The following COL6A3 variants were observed in gnomAD, a reference collection of about 807,000 sequenced individuals.
COL6A3 encodes collagen type VI alpha 3 chain, also known as collagen alpha-3(VI) chain.
Under a neutral mutation model 274.1 loss-of-function variants are expected in COL6A3, and 137 were observed. The ratio of observed to expected loss-of-function variants is 0.50; its 90% CI spans 0.44 to 0.58. The LOEUF (loss-of-function observed/expected upper bound fraction) is 0.58, where lower values mean the gene tolerates loss of function less well. Ranked by LOEUF, COL6A3 falls within the 20% of genes least tolerant of loss-of-function variation. The pLI is 0.00. For missense variants in COL6A3, 3,950 were observed against 4,124.9 expected, an observed-to-expected ratio of 0.96 and a Z score of 1.16; for synonymous variants, 1,650 against 1,650.6, an observed-to-expected ratio of 1.00 and a Z score of 0.01.
In COL6A3 at chr2:237,371,468, T is replaced by C; in HGVS notation, c.4285+264A>G. 5 of 538,018 alleles carry C rather than the reference T, an allele frequency of 9.3e-6. No individual in the cohort carries two copies. Among genetic ancestry groups the C allele is most frequent in the South Asian group, 5.3e-5 (1 of 18,772 alleles). 33.3% of individuals were successfully genotyped at this position (538,018 alleles called of 1,614,324 possible). ...AAAAAATTAGCCGGGCGTGGTGGTA[T>C]GAACCTGTAGTCCTAGCTACTGAGG... On this transcript the variant is annotated intron_variant, in intron 9 of 43. Coordinates refer to ENST00000295550, the MANE Select transcript of COL6A3 (RefSeq NM_004369.4). This position sits in a 1 kb window ranked among gnomAD's most constrained non-coding sequence, Gnocchi z 4.3.
At chr2:237,357,202 G>T in intron 23 of COL6A3, 136 bp downstream of exon 23, 1 of 819,806 alleles carries the variant, frequency 1.2e-6, no homozygotes, top group Non-Finnish European at 2.2e-6. Flanking sequence ...ATAGATTGGA[G>T]TAACAACCGT....
intron 38 of COL6A3, 84 bp from the exon 39 acceptor site, chr2:237,339,201 A>G: frequency 1.1e-6 from 1 of 934,424 alleles, no homozygotes; most frequent in East Asian, 2.4e-5. Context: ...AGTTAAATGA[A>G]TCACATAACA....
At position 237,361,081 on chromosome 2, in the gene COL6A3, A is replaced by G. The variant is rs1559228235; in HGVS notation, c.6210+40T>C. ...CAATCCCAATGGGTAAGGATCAAGGAGGGGGTGAAATTTTAGGGACTAAAA... is the reference window on the plus strand; with the variant it reads ...CAATCCCAATGGGTAAGGATCAAGGGGGGGGTGAAATTTTAGGGACTAAAA... On this transcript the variant is annotated intron_variant, in intron 16 of 43. Coordinates refer to ENST00000295550, the MANE Select transcript of COL6A3 (RefSeq NM_004369.4). The surrounding 1 kb of genome is among the most constrained non-coding windows in gnomAD (Gnocchi z 5.1). 11 of 1,535,948 alleles carry G rather than the reference A, an allele frequency of 7.2e-6. No individual in the cohort carries two copies. Among genetic ancestry groups the G allele is most frequent in the Non-Finnish European group, 9.9e-6 (11 of 1,108,722 alleles).
intron 36 of COL6A3, chr2:237,343,882 T>C (rs931546957): frequency 3.9e-6 from 1 of 258,746 alleles, no homozygotes; most frequent in Non-Finnish European, 7.6e-6. Flanking sequence ...CAGCAGGATC[T>C]TCCTATCCAT....
chr2:237,338,968 T>C (rs1448775195), intron 39 of COL6A3, 47 bp downstream of exon 39: 2 of 1,497,968 alleles, frequency 1.3e-6, no homozygotes, highest in Non-Finnish European at 1.9e-6. Flanking sequence ...GACCTGTGCA[T>C]TCCCTGCAGC....
At position 237,350,133 on chromosome 2, in the gene COL6A3, C is replaced by T. The variant is rs371203688; in HGVS notation, c.6879+14G>A. On this transcript the variant is annotated intron_variant, in intron 28 of 43. Coordinates refer to ENST00000295550, the MANE Select transcript of COL6A3 (RefSeq NM_004369.4). ...GTCAGCGACAGCCTGACCCCAAGCG[C>T]GCTGTGACCTTACCGTCTCCCCACG... 9.3e-6 allele frequency: 15 copies of T among 1,613,716 alleles called. 1 individual carries two copies. The highest frequency in any genetic ancestry group is 1.6e-4 in the Middle Eastern group (1 of 6,084).
At chr2:237,396,876 G>C (rs770102635) in intron 1 of COL6A3, 29 bp from the exon 2 acceptor site, 10 of 1,528,668 alleles carry the variant, frequency 6.5e-6, no homozygotes, top group Admixed American at 3.4e-5. Flanking sequence ...CAAAGGGAAT[G>C]ATCAGTTTTT....
Position 237,374,053 on chromosome 2 carries a change from G to C in COL6A3, c.3679+359C>G, listed in dbSNP as rs1484268371. Among the ~76,000 whole-genome samples, 1 of 152,212 alleles carries C rather than the reference G, an allele frequency of 6.6e-6. No individual in the cohort carries two copies. Among genetic ancestry groups the C allele is most frequent in the Non-Finnish European group, 1.5e-5 (1 of 68,038 alleles). On this transcript the variant is annotated intron_variant, in intron 8 of 43. Coordinates refer to ENST00000295550, the MANE Select transcript of COL6A3 (RefSeq NM_004369.4). This position sits in a 1 kb window ranked among gnomAD's most constrained non-coding sequence, Gnocchi z 4.8. Reference sequence around the variant, plus strand: ...AGAAGGCTGCTGACCAAACCTACCAGGGGTCGCAGGACTGATACGCAACAG... The same window carrying C: ...AGAAGGCTGCTGACCAAACCTACCACGGGTCGCAGGACTGATACGCAACAG...
rs766954929 is a variant in COL6A3 at position 237,340,878 on chromosome 2, T to G, written c.8038A>C (p.Met2680Leu). Residue 2680 changes from methionine (M) to leucine (L), a missense_variant, in exon 38 of 44, where the codon ATG becomes CTG. Physicochemically the swap from Met to Leu is conservative, Grantham distance 15. Transcript: ENST00000295550. ...APSESVDNAS[M>L]PPVKVEFSLT... Reference sequence around the variant, plus strand: ...GAGAATTCCACCTTCACAGGTGGCATGCTGGCATTGTCCACGGACTCAGAG... The same window carrying G: ...GAGAATTCCACCTTCACAGGTGGCAGGCTGGCATTGTCCACGGACTCAGAG... 1.2e-6 allele frequency: 2 copies of G among 1,613,688 alleles called. No homozygotes were observed. Among genetic ancestry groups the G allele is most frequent in the African/African-American group, 1.3e-5 (1 of 74,930 alleles).
rs1017878715 is a variant in COL6A3, at chr2:237,361,097, G to T, written c.6210+24C>A. 2.5e-6 allele frequency: 4 copies of T among 1,608,566 alleles called. No individual in the cohort carries two copies. The African/African-American group carries it at 5.3e-5, about 22-fold the overall frequency. ...GGATCAAGGAGGGGGTGAAATTTTA[G>T]GGACTAAAACAATTTTTACTTACGG... On this transcript the variant is annotated intron_variant, in intron 16 of 43. Coordinates refer to ENST00000295550, the MANE Select transcript of COL6A3 (RefSeq NM_004369.4). The surrounding 1 kb of genome is among the most constrained non-coding windows in gnomAD (Gnocchi z 5.1).
At chr2:237,357,054 A>C in intron 23 of COL6A3, 1 of 515,564 alleles carries the variant, frequency 1.9e-6, no homozygotes, top group Non-Finnish European at 3.5e-6. Flanking sequence ...TTAAATATTT[A>C]GTTGGATCAA....
rs769208947 is a variant in COL6A3 at position 237,357,802 on chromosome 2, T to C, written c.6537+15A>G. ...CCTCAGTACAGGGAGAGTCTAGGAATGTGCAGCACCTTACCATGGGGCCGA... is the reference window on the plus strand; with the variant it reads ...CCTCAGTACAGGGAGAGTCTAGGAACGTGCAGCACCTTACCATGGGGCCGA... On this transcript the variant is annotated intron_variant, in intron 22 of 43. Transcript: ENST00000295550. The C allele has an allele frequency of 1.2e-5, 19 of 1,613,544 alleles. No homozygotes were observed. The highest frequency in any genetic ancestry group is 3.3e-5 in the South Asian group (3 of 91,066).
chr2:237,376,418 T>C (rs922647671), intron 7 of COL6A3, among the ~76,000 whole-genome samples: 3 of 152,252 alleles, frequency 2.0e-5, no homozygotes, highest in Non-Finnish European at 1.5e-5. Context: ...AAGGCTGTTT[T>C]AGGTACAATG....
rs774987162 is a variant in COL6A3, at chr2:237,348,647, T to C, written c.6896A>G (p.Asp2299Gly). The change falls in exon 29 of 44, where the codon GAC becomes GGC. Residue 2299 changes from aspartate to glycine, a missense_variant. By Grantham distance (94) the Asp-to-Gly change is moderately conservative. Around this residue, in one of 5 missense-constraint regions of COL6A3, gnomAD observed 1,284 missense variants for 1,349.7 expected, o/e 0.95. Coordinates refer to ENST00000295550, the MANE Select transcript of COL6A3 (RefSeq NM_004369.4). The stretch of plus-strand genomic sequence containing the variant: ...TCTGCGTCCTTCACTGCCAACTCCG[T>C]CTCTCCCGTCATCTCCCTAAGAGTG... ...PRGETGDDGR[D>G]GVGSEGRRGK... 6.2e-7 allele frequency: 1 copy of C among 1,614,182 alleles called. No homozygotes were observed. The highest frequency in any genetic ancestry group is 8.5e-7 in the Non-Finnish European group (1 of 1,180,038).
At position 237,407,327 on chromosome 2, in the gene COL6A3, A is replaced by G. The variant is rs1334902998; in HGVS notation, c.-31+6626T>C. Among the ~76,000 whole-genome samples, 2 of 152,044 alleles carry G rather than the reference A, an allele frequency of 1.3e-5. No homozygotes were observed. The highest frequency in any genetic ancestry group is 2.9e-5 in the Non-Finnish European group (2 of 67,994). On this transcript the variant is annotated intron_variant, in intron 1 of 43. Transcript: ENST00000295550. This position sits in a 1 kb window ranked among gnomAD's most constrained non-coding sequence, Gnocchi z 4.3. Reference sequence around the variant, plus strand: ...TCTTCTCATCAGGCAGGGTAACTAGACCTCCTTTGTCACCTACTGGGGTCC... The same window carrying G: ...TCTTCTCATCAGGCAGGGTAACTAGGCCTCCTTTGTCACCTACTGGGGTCC...
chr2:237,349,098 C>A (rs188896287), intron 28 of COL6A3, among the ~76,000 whole-genome samples: 202 of 152,060 alleles, frequency 1.3e-3, no homozygotes, highest in African/African-American at 4.7e-3. Flanking sequence ...ATTCCCCCTC[C>A]CCATATCCCT....
In COL6A3 at chr2:237,396,761, G is replaced by A. The variant is rs1486896089; in HGVS notation, c.57C>T (p.Gly19=). The change falls in exon 2 of 44, where the codon GGC becomes GGT. Residue 19 remains glycine (G), a synonymous_variant. Coordinates refer to ENST00000295550, the MANE Select transcript of COL6A3 (RefSeq NM_004369.4). ...LVAVFCLFLS[G]FPTTHAQQQQ... ...GCTGCTGGGCATGAGTTGTAGGAAA[G>A]CCTGAGAGAAAGAGGCAAAAGACGG... is the stretch of plus-strand genomic sequence containing the variant. The A allele has an allele frequency of 6.2e-7, 1 of 1,614,196 alleles. No homozygotes were observed. Among genetic ancestry groups the A allele is most frequent in the South Asian group, 1.1e-5 (1 of 91,082 alleles).
In COL6A3 at chr2:237,371,659, A is replaced by G. The variant is rs1198138474; in HGVS notation, c.4285+73T>C. Reference sequence around the variant, plus strand: ...TATTTTAATTTAATTTATTATGAGTACCATGGCCTTTGAGCCTGTTATTTT... The same window carrying G: ...TATTTTAATTTAATTTATTATGAGTGCCATGGCCTTTGAGCCTGTTATTTT... On this transcript the variant is annotated intron_variant, in intron 9 of 43. Coordinates refer to ENST00000295550, the MANE Select transcript of COL6A3 (RefSeq NM_004369.4). The surrounding 1 kb of genome is among the most constrained non-coding windows in gnomAD (Gnocchi z 4.3). 6.6e-7 allele frequency: 1 copy of G among 1,523,452 alleles called. No individual in the cohort carries two copies. The highest frequency in any genetic ancestry group is 2.2e-5 in the Admixed American group (1 of 44,972). The allele number at this position is 1,523,452 out of a possible 1,614,324, so 94.4% of individuals were successfully genotyped here.
chr2:237,370,048 A>T (rs1410511463), intron 9 of COL6A3, among the ~76,000 whole-genome samples: 1 of 150,836 alleles, frequency 6.6e-6, no homozygotes, highest in African/African-American at 2.4e-5. Flanking sequence ...AATTTTTTGG[A>T]TGAGGGTCTC....
Sources: gnomAD v4.1 joint callset for allele counts (sites outside exome capture counted in the v4.1 genomes callset) on GRCh38, gnomAD v4.1.1 for gene constraint, gnomAD v4.1.1 regional missense constraint, Gnocchi (gnomAD v3.1) non-coding constraint, MANE v1.5 for transcripts, NCBI Gene and HGNC (gene_info 2026-07-23, HGNC 2026-07-21) for gene names.